CLASP1: variants seen among roughly 807,000 people sequenced by gnomAD.
CLASP1 encodes cytoplasmic linker associated protein 1, also known as CLIP-associating protein 1.
CLASP1 carries 38 observed loss-of-function variants against 192.3 expected under a neutral mutation model. That is an observed-to-expected ratio of 0.20 (90% confidence interval 0.15 to 0.26). The LOEUF (loss-of-function observed/expected upper bound fraction) is 0.26. Ranked by LOEUF, CLASP1 falls within the 10% of genes least tolerant of loss-of-function variation. The probability of loss-of-function intolerance (pLI) is 1.00; values close to 1 mark genes in which losing one functional copy is unlikely to be tolerated. For synonymous variants in CLASP1, 691 were observed against 712.8 expected (o/e 0.97, Z 0.49); for missense variants, 1,433 against 1,932.5 (o/e 0.74, Z 4.85).
chr2:121,349,613 T>C (rs1161321125), intron 37 of CLASP1, among the ~76,000 whole-genome samples: 1 of 152,154 alleles, frequency 6.6e-6, no homozygotes, highest in African/African-American at 2.4e-5. Context: ...GTTGAGGCAG[T>C]TGGGAAGGCA....
At chr2:121,536,361 A>G (rs2095074218) in intron 2 of CLASP1, among the ~76,000 whole-genome samples, 1 of 144,976 alleles carries the variant, frequency 6.9e-6, no homozygotes, top group Admixed American at 6.9e-5. Flanking sequence ...AGCCTGGGCG[A>G]CAGAGCAAGA....
At chr2:121,499,703 T>C (rs1278442630) in intron 8 of CLASP1, among the ~76,000 whole-genome samples, 1 of 152,064 alleles carries the variant, frequency 6.6e-6, no homozygotes, top group Non-Finnish European at 1.5e-5. Flanking sequence ...ATAAGGGCAT[T>C]TGACTTTCTT....
chr2:121,436,692 T>C (rs2082367933), intron 19 of CLASP1, among the ~76,000 whole-genome samples: 1 of 152,210 alleles, frequency 6.6e-6, no homozygotes, highest in Non-Finnish European at 1.5e-5. Flanking sequence ...ATTATAGGCA[T>C]GAGCCACTGT....
At position 121,515,647 on chromosome 2, in the gene CLASP1, G is replaced by A. The variant is rs754939759; in HGVS notation, c.644+18C>T. ...GGGGGTTGGGTAGAGCAGAAGAAAG[G>A]AAAAAATCTGCACTCACCGGGACTG... On this transcript the variant is annotated intron_variant, in intron 7 of 39. Coordinates refer to ENST00000263710, the Ensembl canonical transcript of CLASP1. 1.0e-5 allele frequency: 16 copies of A among 1,606,516 alleles called. No homozygotes were observed. In the South Asian group the frequency reaches 1.3e-4, roughly 13 times the overall value.
intron 28 of CLASP1, 138 bp downstream of exon 29, chr2:121,401,371 T>C: frequency 1.6e-6 from 1 of 628,476 alleles, no homozygotes; most frequent in Non-Finnish European, 2.7e-6. Context: ...AACAAGTATG[T>C]CAACAACAGA....
At chr2:121,560,885 C>A (rs977645886) in intron 2 of CLASP1, among the ~76,000 whole-genome samples, 27 of 152,198 alleles carry the variant, frequency 1.8e-4, no homozygotes, top group African/African-American at 4.8e-4. Context: ...CAGGAGCCTG[C>A]CACCACAACT....
chr2:121,348,883 G>A (rs969045574), intron 37 of CLASP1, among the ~76,000 whole-genome samples, 165 bp from the exon 39 acceptor site: 1 of 152,158 alleles, frequency 6.6e-6, no homozygotes, highest in Non-Finnish European at 1.5e-5. Flanking sequence ...TCTGCAGGGT[G>A]ATTTTAAAGG....
chr2:121,590,018 A>T (rs1445882897), intron 2 of CLASP1, among the ~76,000 whole-genome samples: 2 of 152,188 alleles, frequency 1.3e-5, no homozygotes, highest in African/African-American at 4.8e-5. Context: ...AGGGGAAATG[A>T]GATCAACAAA....
At chr2:121,427,336 G>A (rs190387740) in intron 21 of CLASP1, 68 bp downstream of exon 21, 1 of 1,550,562 alleles carries the variant, frequency 6.4e-7, no homozygotes, top group Non-Finnish European at 8.8e-7. Flanking sequence ...ATTGTGCAAG[G>A]AACATGGGGT....
chr2:121,378,199 T>C lies in CLASP1; in HGVS notation c.3492-550A>G, dbSNP rs536717840. Among the ~76,000 whole-genome samples the C allele has an allele frequency of 5.9e-5, 9 of 152,240 alleles. No homozygotes were observed. In the East Asian group the frequency reaches 1.5e-3, roughly 26 times the overall value. ...AAAAAACCCTAGACTCAAAGTCAGA[T>C]CCACCCTATGAACAGGCCCAGAAAG... On this transcript the variant is annotated intron_variant, in intron 33 of 39. Coordinates refer to ENST00000263710, the Ensembl canonical transcript of CLASP1.
At chr2:121,531,427 C>T (rs1034120880) in intron 2 of CLASP1, among the ~76,000 whole-genome samples, 2 of 151,342 alleles carry the variant, frequency 1.3e-5, no homozygotes, top group Non-Finnish European at 2.9e-5. Flanking sequence ...AACTCCGTCT[C>T]TCCTAAAAAT....
At chr2:121,564,591 G>C (rs2059356054) in intron 2 of CLASP1, among the ~76,000 whole-genome samples, 1 of 152,134 alleles carries the variant, frequency 6.6e-6, no homozygotes, top group Non-Finnish European at 1.5e-5. Flanking sequence ...CAGGGGTGGA[G>C]AGAATTAGGA....
chr2:121,466,959 G>A lies in CLASP1; in HGVS notation c.865+2849C>T, dbSNP rs1173841003. Among the ~76,000 whole-genome samples the A allele has an allele frequency of 4.6e-5, 7 of 152,248 alleles. No homozygotes were observed. In the East Asian group the frequency reaches 1.2e-3, roughly 25 times the overall value. On this transcript the variant is annotated intron_variant, in intron 9 of 39. Coordinates refer to ENST00000263710, the Ensembl canonical transcript of CLASP1. The stretch of plus-strand genomic sequence containing the variant: ...GCACATTAGCTATTCTTCGTGATGT[G>A]CTCCCTCCTCCCACCCCAAACCCTG...
At chr2:121,578,411 G>C (rs1245876901) in intron 2 of CLASP1, among the ~76,000 whole-genome samples, 1 of 104,718 alleles carries the variant, frequency 9.5e-6, no homozygotes, top group African/African-American at 3.8e-5. Context: ...AACACAGTGA[G>C]AGACTATCTC....
At chr2:121,338,348 C>A (rs926811952) in exon 40 of CLASP1, 1 of 152,354 alleles carries the variant, frequency 6.6e-6, no homozygotes, top group Non-Finnish European at 1.5e-5. Flanking sequence ...TGCCCAGACC[C>A]TGGCTGCAGG....
At chr2:121,398,356 A>G (rs1318209998) in exon 29 of CLASP1, 1 of 1,599,392 alleles carries the variant, frequency 6.3e-7, no homozygotes, top group Admixed American at 1.7e-5. Flanking sequence ...ATCCACAATA[A>G]ATCTCATCAA....
At chr2:121,534,949 G>A (rs1248592949) in intron 2 of CLASP1, among the ~76,000 whole-genome samples, 2 of 152,146 alleles carry the variant, frequency 1.3e-5, no homozygotes, top group Non-Finnish European at 2.9e-5. Flanking sequence ...CCCTGGATAG[G>A]AGAATAATTG....
intron 32 of CLASP1, among the ~76,000 whole-genome samples, chr2:121,384,428 T>C (rs1461481804): frequency 6.6e-6 from 1 of 151,966 alleles, no homozygotes; most frequent in Non-Finnish European, 1.5e-5. Flanking sequence ...GCTGAAGCAA[T>C]CCTCCCACGT....
intron 2 of CLASP1, among the ~76,000 whole-genome samples, chr2:121,540,462 A>AC (rs981447919): frequency 1.3e-5 from 2 of 151,950 alleles, no homozygotes; most frequent in Non-Finnish European, 2.9e-5. Context: ...AGATAGTGAG[A>AC]CCCCATTTCT....
Sources: allele counts gnomAD v4.1 joint callset (sites outside exome capture counted in the v4.1 genomes callset), GRCh38; gene constraint gnomAD v4.1.1; transcripts MANE v1.5; gene names NCBI Gene and HGNC (gene_info 2026-07-23, HGNC 2026-07-21).